The following ARHGEF19 variants were observed in gnomAD, a reference collection of about 807,000 sequenced individuals.
ARHGEF19 encodes the protein Rho guanine nucleotide exchange factor 19.
A neutral mutation model predicts 87.6 loss-of-function variants in ARHGEF19; 92 were observed. The ratio of observed to expected loss-of-function variants is 1.05; its 90% CI spans 0.89 to 1.25. The LOEUF (loss-of-function observed/expected upper bound fraction) is 1.25. ARHGEF19 is among the 50% of genes most tolerant of loss of function. ARHGEF19 has a pLI of 0.00. For synonymous variants in ARHGEF19, 438 were observed against 446.2 expected (o/e 0.98, Z 0.23); for missense variants, 1,054 against 1,051.8 (o/e 1.00, Z -0.03).
chr1:16,208,332 C>A, intron 2 of ARHGEF19, 107 bp from the exon 3 acceptor site: 3 of 1,356,400 alleles, frequency 2.2e-6, no homozygotes, highest in Non-Finnish European at 2.0e-6. Flanking sequence ...GCACCATGCC[C>A]AAGGGAAGGG....
chr1:16,204,749 C>T lies in ARHGEF19; in HGVS notation c.1907+10G>A. Reference sequence around the variant, plus strand: ...ACTTTACCTACCCACCCCTGACTGCCCCGACTCACTCCTTCCGCCGAGAGA... The same window carrying T: ...ACTTTACCTACCCACCCCTGACTGCTCCGACTCACTCCTTCCGCCGAGAGA... On this transcript the variant is annotated intron_variant, in intron 12 of 15. Transcript: ENST00000270747. 1.9e-6 allele frequency: 3 copies of T among 1,579,688 alleles called. No homozygotes were observed. The highest frequency in any genetic ancestry group is 1.7e-5 in the Admixed American group (1 of 57,426).
intron 14 of ARHGEF19, among the ~76,000 whole-genome samples, chr1:16,200,665 A>C (rs2081077414): frequency 6.6e-6 from 1 of 152,008 alleles, no homozygotes. Context: ...AATTGTTTGA[A>C]CCTGGGAGGT....
chr1:16,204,397 G>A (rs1411821712), intron 12 of ARHGEF19, among the ~76,000 whole-genome samples: 4 of 152,136 alleles, frequency 2.6e-5, no homozygotes, highest in East Asian at 1.9e-4. Context: ...AATAATCCAC[G>A]TAGCATGCCT....
At chr1:16,201,973 GGCCT>G in intron 13 of ARHGEF19, 112 bp from the exon 14 acceptor site, 1 of 750,022 alleles carries the variant, frequency 1.3e-6, no homozygotes. Context: ...CTAGGACCCA[GGCCT>G]ACCCTAGGGA....
intron 14 of ARHGEF19, among the ~76,000 whole-genome samples, chr1:16,200,127 C>T (rs2081071949): frequency 6.6e-6 from 1 of 152,212 alleles, no homozygotes; most frequent in African/African-American, 2.4e-5. Context: ...GAGCATCTAC[C>T]CCCTTCCTGG....
Position 16,208,237 on chromosome 1 carries a change from G to T in ARHGEF19, c.413-12C>A, listed in dbSNP as rs1029811370. 6.2e-7 allele frequency: 1 copy of T among 1,608,346 alleles called. No individual in the cohort carries two copies. The highest frequency in any genetic ancestry group is 8.5e-7 in the Non-Finnish European group (1 of 1,176,706). ...CCGCATCTTGCGCCCTAGGGTTGGGGGCAAGGAGTGAGAGCACGGGCTGGG... is the reference window on the plus strand; with the variant it reads ...CCGCATCTTGCGCCCTAGGGTTGGGTGCAAGGAGTGAGAGCACGGGCTGGG... On this transcript the variant is annotated splice_polypyrimidine_tract_variant and intron_variant, in intron 2 of 15. Coordinates refer to ENST00000270747, the MANE Select transcript of ARHGEF19 (RefSeq NM_153213.5).
intron 14 of ARHGEF19, among the ~76,000 whole-genome samples, chr1:16,200,944 T>C (rs1301529347): frequency 6.6e-6 from 1 of 151,732 alleles, no homozygotes; most frequent in Non-Finnish European, 1.5e-5. Flanking sequence ...CCAGGCACAA[T>C]GGCTCATGCC....
In ARHGEF19 at chr1:16,205,292, G is replaced by C; in HGVS notation, c.1656+59C>G. 6.2e-7 allele frequency: 1 copy of C among 1,610,502 alleles called. No homozygotes were observed. Among genetic ancestry groups the C allele is most frequent in the South Asian group, 1.1e-5 (1 of 90,916 alleles). ...GACAGCTGGGGGCTGTTTTAGAGAC[G>C]TGCTGGGGGTCCAGGGGGGGCCTCA... On this transcript the variant is annotated intron_variant, in intron 10 of 15. Transcript: ENST00000270747. The surrounding 1 kb of genome is among the most constrained non-coding windows in gnomAD (Gnocchi z 5.8).
Position 16,201,788 on chromosome 1 carries a change from C to A in ARHGEF19, c.2140G>T (p.Gly714Trp), listed in dbSNP as rs770052418. 1 of 1,613,552 alleles carries A rather than the reference C, an allele frequency of 6.2e-7. No individual in the cohort carries two copies. The highest frequency in any genetic ancestry group is 1.3e-5 in the African/African-American group (1 of 74,896). Reference sequence around the variant, plus strand: ...AGCAGGGATGAGCTACTACCTTCCCCCTCACTGATGACCTCCTTGTCCTCC... The same window carrying A: ...AGCAGGGATGAGCTACTACCTTCCCACTCACTGATGACCTCCTTGTCCTCC... Reference protein sequence around the residue: ...PQEDKEVISEGEDCPQVQCVR... With the variant: ...PQEDKEVISEWEDCPQVQCVR... The change falls in exon 14 of 16, where the codon GGG becomes TGG. Residue 714 changes from glycine (G) to tryptophan (W), a missense_variant. By Grantham distance (184) the Gly-to-Trp change is radical. Transcript: ENST00000270747.
rs201835170 is a variant in ARHGEF19 at position 16,205,218 on chromosome 1, C to A, written c.1657-42G>T. On this transcript the variant is annotated intron_variant, in intron 10 of 15. Coordinates refer to ENST00000270747, the MANE Select transcript of ARHGEF19 (RefSeq NM_153213.5). This position sits in a 1 kb window ranked among gnomAD's most constrained non-coding sequence, Gnocchi z 5.8. ...GAGGTCACCTGCAGCCCCTCAGCTC[C>A]GGCTCCCAGAGCCCAGCCTCAGACT... The A allele has an allele frequency of 1.4e-5, 23 of 1,591,006 alleles. No individual in the cohort carries two copies. The Admixed American group carries it at 4.0e-4, about 27-fold the overall frequency.
chr1:16,211,808 A>G (rs996402619), intron 1 of ARHGEF19, among the ~76,000 whole-genome samples: 15 of 152,214 alleles, frequency 9.9e-5, no homozygotes, highest in African/African-American at 3.6e-4. Flanking sequence ...CCTCAGAAAG[A>G]GAACTGGCCC....
rs754690428 is a variant in ARHGEF19 at position 16,205,097 on chromosome 1, A to G, written c.1736T>C (p.Phe579Ser). ...GCTGCAGACACACACCTTGCCCTCA[A>G]AGTGGATCTTCTTGCTCAGGTGGAT... ...ELIHLSKKIH[F>S]EGKIFPLISQ... Residue 579 changes from phenylalanine (F) to serine (S), a missense_variant, in exon 11 of 16, where the codon TTT (phenylalanine) becomes TCT (serine). Phe to Ser is a radical substitution (Grantham distance 155). Coordinates refer to ENST00000270747, the MANE Select transcript of ARHGEF19 (RefSeq NM_153213.5). The surrounding 1 kb of genome is among the most constrained non-coding windows in gnomAD (Gnocchi z 5.8). 1.2e-6 allele frequency: 2 copies of G among 1,603,902 alleles called. No homozygotes were observed. The highest frequency in any genetic ancestry group is 2.2e-5 in the South Asian group (2 of 89,238).
rs951977750 is a variant in ARHGEF19 at position 16,206,445 on chromosome 1, C to G, written c.1138-105G>C. ...GGACGCCACACCTCGCGTCCTCGCC[C>G]CTTCTCTAGCCCCACTCCTAATCTG... On this transcript the variant is annotated intron_variant, in intron 6 of 15. Transcript: ENST00000270747. The surrounding 1 kb of genome is among the most constrained non-coding windows in gnomAD (Gnocchi z 4.6). 2 of 1,288,784 alleles carry G rather than the reference C, an allele frequency of 1.6e-6. No individual in the cohort carries two copies. The highest frequency in any genetic ancestry group is 3.0e-5 in the African/African-American group (2 of 67,748). The allele number at this position is 1,288,784 out of a possible 1,614,324, so 79.8% of individuals were successfully genotyped here.
chr1:16,208,253 A>G (rs1484539940), intron 2 of ARHGEF19, 28 bp from the exon 3 acceptor site: 1 of 1,602,658 alleles, frequency 6.2e-7, no homozygotes, highest in Non-Finnish European at 8.5e-7. Context: ...GAGTGAGAGC[A>G]CGGGCTGGGG....
intron 1 of ARHGEF19, among the ~76,000 whole-genome samples, chr1:16,209,440 A>G (rs2100293250): frequency 6.6e-6 from 1 of 152,236 alleles, no homozygotes; most frequent in South Asian, 2.1e-4. Flanking sequence ...GATTTTAACC[A>G]CCTTGTACTT....
In ARHGEF19 at chr1:16,206,663, T is replaced by G. The variant is rs931728795; in HGVS notation, c.1137+285A>C. On this transcript the variant is annotated intron_variant, in intron 6 of 15. Coordinates refer to ENST00000270747, the MANE Select transcript of ARHGEF19 (RefSeq NM_153213.5). This position sits in a 1 kb window ranked among gnomAD's most constrained non-coding sequence, Gnocchi z 4.6. The stretch of plus-strand genomic sequence containing the variant: ...ACCAGGCGTTTGCTCTTCCAATGGT[T>G]CCGCTCCTCATCCGGCCCTGTCCTA... The G allele has an allele frequency of 2.0e-6, 1 of 504,564 alleles. No individual in the cohort carries two copies. The highest frequency in any genetic ancestry group is 2.0e-5 in the African/African-American group (1 of 49,128). The allele number at this position is 504,564 out of a possible 1,614,324, so 31.3% of individuals were successfully genotyped here. A position where few individuals can be genotyped will look rare whatever the true frequency, so the allele number is the denominator to read the frequency against.
intron 1 of ARHGEF19, among the ~76,000 whole-genome samples, chr1:16,209,743 C>T (rs2081181459): frequency 6.6e-5 from 10 of 152,252 alleles, no homozygotes. Context: ...CACAGACACA[C>T]ACCAGCCCAC....
At chr1:16,209,340 T>G (rs2081176908) in intron 1 of ARHGEF19, among the ~76,000 whole-genome samples, 1 of 152,230 alleles carries the variant, frequency 6.6e-6, no homozygotes, top group African/African-American at 2.4e-5. Flanking sequence ...TATCCCCATT[T>G]TATAGGTGAG....
intron 13 of ARHGEF19, 87 bp downstream of exon 13, chr1:16,202,328 GC>G (rs768542129): frequency 1.9e-5 from 29 of 1,489,068 alleles, no homozygotes; most frequent in Non-Finnish European, 2.6e-5. Context: ...AGGGGTGCCC[GC>G]CATGGGGACG....
Sources: allele counts gnomAD v4.1 joint callset (sites outside exome capture counted in the v4.1 genomes callset), GRCh38; gene constraint gnomAD v4.1.1; non-coding constraint Gnocchi (gnomAD v3.1); transcripts MANE v1.5; gene names NCBI Gene and HGNC (gene_info 2026-07-23, HGNC 2026-07-21).